The following PCDHA7 variants were observed in gnomAD, a reference collection of about 807,000 sequenced individuals.
PCDHA7 encodes the protein protocadherin alpha 7, also known as protocadherin alpha-7.
PCDHA7 carries 37 observed loss-of-function variants against 57.2 expected under a neutral mutation model. The observed-to-expected ratio is 0.65, with a 90% CI of 0.50 to 0.85. The LOEUF (loss-of-function observed/expected upper bound fraction) is 0.85, where lower values mean the gene tolerates loss of function less well. Ranked by LOEUF, PCDHA7 falls within the 40% of genes least tolerant of loss-of-function variation. PCDHA7 has a pLI of 0.00. For synonymous variants in PCDHA7, 553 were observed against 558.8 expected, an observed-to-expected ratio of 0.99 and a Z score of 0.15; for missense variants, 1,188 against 1,241.8, an observed-to-expected ratio of 0.96 and a Z score of 0.65.
intron 1 of PCDHA7, chr5:140,881,278 T>G: frequency 5.4e-6 from 4 of 743,002 alleles, no homozygotes; most frequent in Non-Finnish European, 6.6e-6. Flanking sequence ...TGAAGTAAGA[T>G]GGAGAGAGAA....
intron 1 of PCDHA7, among the ~76,000 whole-genome samples, chr5:140,914,270 ATATATT>A (rs1554196274): frequency 6.6e-6 from 1 of 152,146 alleles, no homozygotes; most frequent in Non-Finnish European, 1.5e-5. Context: ...GTGGGTGCAT[ATATATT>A]TATAATTGTT....
At chr5:140,919,823 T>C (rs1554199267) in intron 1 of PCDHA7, among the ~76,000 whole-genome samples, 1 of 152,222 alleles carries the variant, frequency 6.6e-6, no homozygotes, top group Non-Finnish European at 1.5e-5. Flanking sequence ...AAAATATATG[T>C]CCACATAGTA....
At chr5:140,886,138 T>C (rs1166911705) in intron 1 of PCDHA7, among the ~76,000 whole-genome samples, 2 of 152,208 alleles carry the variant, frequency 1.3e-5, no homozygotes, top group African/African-American at 4.8e-5. Flanking sequence ...AACCAGATTC[T>C]TGATATCACC....
intron 1 of PCDHA7, among the ~76,000 whole-genome samples, chr5:140,918,404 T>C (rs2078676215): frequency 6.6e-6 from 1 of 152,196 alleles, no homozygotes; most frequent in Admixed American, 6.5e-5. Context: ...CTGATTTCTC[T>C]GGCCAGGACT....
At chr5:140,977,559 A>G (rs1383080307) in intron 1 of PCDHA7, among the ~76,000 whole-genome samples, 2 of 152,204 alleles carry the variant, frequency 1.3e-5, no homozygotes. Context: ...ATATCTTGCT[A>G]GCAGATTGGT....
rs2150354067 is a variant in PCDHA7 at position 140,843,158 on chromosome 5, C to A, written c.2355+6420C>A. On this transcript the variant is annotated intron_variant, in intron 1 of 3. Transcript: ENST00000525929. ...CGCGTGGCTTTCGTATGAGCTGCAG[C>A]CAGCTGCAAGCAGCCCTCGCATCCC... is the stretch of plus-strand genomic sequence containing the variant. The A allele has an allele frequency of 1.0e-4, 163 of 1,596,026 alleles. 13 individuals carry two copies. In the South Asian group the frequency reaches 1.7e-3, roughly 16 times the overall value.
intron 1 of PCDHA7, chr5:140,859,239 A>G (rs1025873150): frequency 1.3e-5 from 2 of 152,746 alleles, no homozygotes; most frequent in Admixed American, 1.3e-4. Flanking sequence ...AGTCATGCTT[A>G]TGTTTAATAA....
chr5:140,979,972 C>T (rs1393315984), intron 2 of PCDHA7, among the ~76,000 whole-genome samples: 1 of 152,176 alleles, frequency 6.6e-6, no homozygotes, highest in East Asian at 1.9e-4. Context: ...CATTAAAATG[C>T]ATTAGATTGA....
At chr5:141,002,232 A>G (rs2098067070) in intron 3 of PCDHA7, among the ~76,000 whole-genome samples, 2 of 152,226 alleles carry the variant, frequency 1.3e-5, no homozygotes, top group African/African-American at 4.8e-5. Flanking sequence ...GTTTTCTGGA[A>G]GCTCTTTATT....
At chr5:140,875,504 C>G (rs1554167711) in intron 1 of PCDHA7, 2 of 1,613,462 alleles carry the variant, frequency 1.2e-6, no homozygotes, top group African/African-American at 2.7e-5. Context: ...GGCCCGGGAT[C>G]CCAGCGTCTG....
chr5:140,850,254 G>C, intron 1 of PCDHA7: 1 of 1,593,786 alleles, frequency 6.3e-7, no homozygotes, highest in Non-Finnish European at 8.6e-7. Flanking sequence ...GTCGGTGGGC[G>C]CCGGCGTAGT....
chr5:140,881,579 C>T (rs1299755224), intron 1 of PCDHA7, among the ~76,000 whole-genome samples: 1 of 152,168 alleles, frequency 6.6e-6, no homozygotes, highest in Non-Finnish European at 1.5e-5. Context: ...TCTCAAGTCA[C>T]ATTGAGGGAA....
intron 1 of PCDHA7, among the ~76,000 whole-genome samples, chr5:140,963,436 T>C (rs148474994): frequency 0.01 from 1,563 of 152,364 alleles, 89 homozygotes; most frequent in Admixed American, 0.092. Context: ...ACTAACTTCA[T>C]ACTCTGTTGC....
At chr5:140,876,215 A>G in intron 1 of PCDHA7, 1 of 1,614,008 alleles carries the variant, frequency 6.2e-7, no homozygotes, top group South Asian at 1.1e-5. Context: ...CCCAGCTATA[A>G]AGTAGTGTTG....
chr5:140,967,114 C>T (rs782407413), intron 1 of PCDHA7: 17 of 1,612,932 alleles, frequency 1.1e-5, no homozygotes, highest in Non-Finnish European at 1.4e-5. Flanking sequence ...AGCGGCCTCG[C>T]TGCCTGCTCA....
At chr5:140,839,764 G>A (rs893515240) in intron 1 of PCDHA7, among the ~76,000 whole-genome samples, 1 of 151,822 alleles carries the variant, frequency 6.6e-6, no homozygotes, top group South Asian at 2.1e-4. Flanking sequence ...TTTAACCTAC[G>A]TTTTTGGTAA....
chr5:140,876,154 A>C, intron 1 of PCDHA7: 2 of 1,613,972 alleles, frequency 1.2e-6, no homozygotes, highest in Non-Finnish European at 1.7e-6. Flanking sequence ...GTCTGTCCAG[A>C]TTCAAATAAC....
Position 141,010,175 on chromosome 5 carries a change from A to G in PCDHA7, c.*238A>G. The G allele has an allele frequency of 6.4e-7, 1 of 1,556,224 alleles. No homozygotes were observed. The highest frequency in any genetic ancestry group is 8.7e-7 in the Non-Finnish European group (1 of 1,149,078). On this transcript the variant is annotated 3_prime_UTR_variant, in exon 4 of 4. Coordinates refer to ENST00000525929, the MANE Select transcript of PCDHA7 (RefSeq NM_018910.3). ...TCTGGCTTGTTTTCAGAACCTAAAA[A>G]GCAGACCCAAGTTTCCTTTCTCCTC...
chr5:140,893,929 T>C (rs2064240374), intron 1 of PCDHA7, among the ~76,000 whole-genome samples: 1 of 152,214 alleles, frequency 6.6e-6, no homozygotes, highest in South Asian at 2.1e-4. Flanking sequence ...TCAGAATCTC[T>C]ACCTGTTAAT....
Sources: gnomAD v4.1 joint callset for allele counts (sites outside exome capture counted in the v4.1 genomes callset) on GRCh38, gnomAD v4.1.1 for gene constraint, MANE v1.5 for transcripts, NCBI Gene and HGNC (gene_info 2026-07-23, HGNC 2026-07-21) for gene names.